PDCL3: variants seen among roughly 807,000 people sequenced by gnomAD.
PDCL3 encodes the protein phosducin like 3.
Under a neutral mutation model 26.5 loss-of-function variants are expected in PDCL3, and 22 were observed. The ratio of observed to expected loss-of-function variants is 0.83; its 90% confidence interval spans 0.59 to 1.19. The LOEUF is 1.19. Ranked by LOEUF, PDCL3 falls within the 50% of genes most tolerant of loss-of-function variation. The pLI is 0.00. For synonymous variants in PDCL3, 81 were observed against 104.9 expected (o/e 0.77, Z 1.39); for missense variants, 246 against 294.1 (o/e 0.84, Z 1.20).
intron 5 of PDCL3, among the ~76,000 whole-genome samples, chr2:100,573,596 C>G (rs1675220939): frequency 6.6e-6 from 1 of 150,896 alleles, no homozygotes. Flanking sequence ...ATCACTTGAC[C>G]TGGGAGGCAG....
intron 1 of PDCL3, among the ~76,000 whole-genome samples, chr2:100,565,699 C>T (rs1240305569): frequency 2.0e-5 from 3 of 152,162 alleles, no homozygotes; most frequent in Non-Finnish European, 4.4e-5. Flanking sequence ...GGGTAATTCT[C>T]TAAAATGGCA....
intron 1 of PDCL3, among the ~76,000 whole-genome samples, chr2:100,564,358 G>A (rs1290059540): frequency 6.6e-6 from 1 of 151,428 alleles, no homozygotes; most frequent in East Asian, 2.0e-4. Context: ...GTGCAGTGGC[G>A]CGACCTCGGC....
At chr2:100,575,213 G>A (rs983148583) in intron 5 of PDCL3, among the ~76,000 whole-genome samples, 2 of 152,196 alleles carry the variant, frequency 1.3e-5, no homozygotes, top group African/African-American at 4.8e-5. Context: ...TCGGCTCACT[G>A]CAAGCTCCGC....
chr2:100,570,885 T>C (rs980203478), intron 4 of PDCL3, among the ~76,000 whole-genome samples: 5 of 152,232 alleles, frequency 3.3e-5, no homozygotes, highest in African/African-American at 1.2e-4. Flanking sequence ...ATCTTTTACA[T>C]TGAAGCTGTT....
intron 3 of PDCL3, 32 bp downstream of exon 3, chr2:100,569,053 T>G: frequency 1.3e-6 from 2 of 1,571,614 alleles, no homozygotes; most frequent in Non-Finnish European, 1.7e-6. Context: ...TGTTTGTTTT[T>G]TTGTTGTTGT....
intron 4 of PDCL3, 134 bp downstream of exon 4, chr2:100,569,855 C>G (rs1002910974): frequency 1.2e-5 from 11 of 937,240 alleles, no homozygotes; most frequent in Non-Finnish European, 1.7e-5. Flanking sequence ...ACCTGTAATC[C>G]CAGCACTTTG....
chr2:100,563,227 G>A, intron 1 of PDCL3, 154 bp downstream of exon 1: 1 of 941,680 alleles, frequency 1.1e-6, no homozygotes, highest in Non-Finnish European at 1.5e-6. Context: ...GGCGCAGTGC[G>A]GGAGGCGGGC....
intron 4 of PDCL3, 89 bp from the exon 5 acceptor site, chr2:100,571,501 G>T: frequency 8.5e-7 from 1 of 1,170,146 alleles, no homozygotes; most frequent in Admixed American, 2.1e-5. Context: ...ACTGTTACAA[G>T]GTTTTACTTA....
intron 5 of PDCL3, among the ~76,000 whole-genome samples, chr2:100,574,007 AT>A (rs1190002081): frequency 6.6e-6 from 1 of 151,950 alleles, no homozygotes; most frequent in South Asian, 2.1e-4. Context: ...AGATATATAT[AT>A]TTTTTTAATT....
intron 2 of PDCL3, among the ~76,000 whole-genome samples, chr2:100,567,472 C>G (rs1259269332): frequency 6.6e-6 from 1 of 152,086 alleles, no homozygotes; most frequent in Admixed American, 6.6e-5. Flanking sequence ...GGAGGAGAAG[C>G]AGGCTCAGAG....
chr2:100,566,506 C>A lies in PDCL3; in HGVS notation c.10C>A (p.Pro4Thr). 1 of 1,612,110 alleles carries A rather than the reference C, an allele frequency of 6.2e-7. No homozygotes were observed. The highest frequency in any genetic ancestry group is 8.5e-7 in the Non-Finnish European group (1 of 1,179,754). Residue 4 changes from proline (P) to threonine (T), a missense_variant, in exon 2 of 6, where the codon CCC (proline) becomes ACC (threonine). By Grantham distance (38) the Pro-to-Thr change is conservative. Transcript: ENST00000264254. Reference sequence around the variant, plus strand: ...AACCTTGGTCCCGCTCTTCTAGGACCCCAACGCAGACACTGAATGGAATGA... The same window carrying A: ...AACCTTGGTCCCGCTCTTCTAGGACACCAACGCAGACACTGAATGGAATGA... MQD[P>T]NADTEWNDIL... is the part of the protein sequence containing the mutation.
intron 4 of PDCL3, among the ~76,000 whole-genome samples, chr2:100,570,622 C>CTCTCCTGTAATCCT (rs1185027684): frequency 2.0e-5 from 3 of 151,870 alleles, no homozygotes; most frequent in Non-Finnish European, 2.9e-5. Context: ...GGATTACAGG[C>CTCTCCTGTAATCCT]GCCTGCCACC....
intron 5 of PDCL3, among the ~76,000 whole-genome samples, chr2:100,575,410 C>T (rs924711699): frequency 7.2e-5 from 11 of 152,240 alleles, no homozygotes; most frequent in Admixed American, 6.5e-5. Flanking sequence ...GCTGGGATTA[C>T]AGGCATGTGC....
chr2:100,566,085 A>G (rs1573278112), intron 1 of PDCL3, among the ~76,000 whole-genome samples: 2 of 151,982 alleles, frequency 1.3e-5, no homozygotes, highest in African/African-American at 4.8e-5. Flanking sequence ...TTGTATTTTC[A>G]GTAGAGACGG....
chr2:100,571,646 C>T lies in PDCL3; in HGVS notation c.425C>T (p.Pro142Leu). 6.2e-7 allele frequency: 1 copy of T among 1,613,268 alleles called. No homozygotes were observed. The highest frequency in any genetic ancestry group is 1.3e-5 in the African/African-American group (1 of 75,026). Residue 142 changes from proline to leucine, a missense_variant, in exon 5 of 6, where the codon CCT becomes CTT. Physicochemically the swap from Pro to Leu is moderately conservative, Grantham distance 98. Coordinates refer to ENST00000264254, the MANE Select transcript of PDCL3 (RefSeq NM_024065.5). Reference sequence around the variant, plus strand: ...CTCAGTGGACTTGCCAGGAAGTTTCCTGATGTCAAATTTATCAAAGCCATT... The same window carrying T: ...CTCAGTGGACTTGCCAGGAAGTTTCTTGATGTCAAATTTATCAAAGCCATT... ...QHLSGLARKF[P>L]DVKFIKAIST...
At chr2:100,564,314 TGAGACA>T (rs1350132120) in intron 1 of PDCL3, among the ~76,000 whole-genome samples, 1 of 151,800 alleles carries the variant, frequency 6.6e-6, no homozygotes, top group Non-Finnish European at 1.5e-5. Flanking sequence ...TGTTTCTTTT[TGAGACA>T]GAGTCTTGCT....
At chr2:100,576,197 C>T (rs534130976) in intron 5 of PDCL3, among the ~76,000 whole-genome samples, 157 bp from the exon 6 acceptor site, 1 of 152,354 alleles carries the variant, frequency 6.6e-6, no homozygotes, top group Non-Finnish European at 1.5e-5. Context: ...CTGCCTCAGC[C>T]TCCCAAAGTG....
intron 4 of PDCL3, among the ~76,000 whole-genome samples, chr2:100,570,211 TTG>T (rs1675140269): frequency 6.6e-6 from 1 of 152,216 alleles, no homozygotes; most frequent in South Asian, 2.1e-4. Flanking sequence ...AGTTAATAAT[TTG>T]TGACTAATAT....
At chr2:100,564,319 CAG>C (rs1675017005) in intron 1 of PDCL3, among the ~76,000 whole-genome samples, 1 of 151,218 alleles carries the variant, frequency 6.6e-6, no homozygotes, top group Non-Finnish European at 1.5e-5. Context: ...CTTTTTGAGA[CAG>C]AGTCTTGCTC....
Sources: gnomAD v4.1 joint callset for allele counts (sites outside exome capture counted in the v4.1 genomes callset) on GRCh38, gnomAD v4.1.1 for gene constraint, MANE v1.5 for transcripts, NCBI Gene and HGNC (gene_info 2026-07-23, HGNC 2026-07-21) for gene names.